CACNB2: variants seen among roughly 807,000 people sequenced by gnomAD.
The protein encoded by CACNB2 is calcium voltage-gated channel auxiliary subunit beta 2.
Under a neutral mutation model 73.3 loss-of-function variants are expected in CACNB2, and 42 were observed. The observed-to-expected ratio is 0.57, with a 90% CI of 0.45 to 0.74. The LOEUF (loss-of-function observed/expected upper bound fraction) is 0.74, where lower values mean the gene tolerates loss of function less well. Ranked by LOEUF, CACNB2 falls within the 30% of genes least tolerant of loss-of-function variation. The pLI is 0.00. For missense variants in CACNB2, 940 were observed against 853.0 expected (o/e 1.10, Z -1.27); for synonymous variants, 348 against 310.3 (o/e 1.12, Z -1.28).
At chr10:18,177,409 G>A (rs2033656892) in intron 2 of CACNB2, among the ~76,000 whole-genome samples, 1 of 150,968 alleles carries the variant, frequency 6.6e-6, no homozygotes, top group African/African-American at 2.4e-5. Flanking sequence ...CACTTGAGGT[G>A]AGGGGTTTGA....
intron 4 of CACNB2, 81 bp from the exon 5 acceptor site, chr10:18,500,731 C>T (rs1198346310): frequency 7.2e-7 from 1 of 1,397,780 alleles, no homozygotes; most frequent in Non-Finnish European, 1.0e-6. Context: ...TGCCATATTT[C>T]TCTCGACTGA....
At chr10:18,238,682 C>T (rs566855112) in intron 2 of CACNB2, among the ~76,000 whole-genome samples, 13 of 152,246 alleles carry the variant, frequency 8.5e-5, no homozygotes, top group South Asian at 6.2e-4. Context: ...AAAATTTCTT[C>T]GTGATCACTC....
chr10:18,525,582 CCA>C (rs2052387193), intron 9 of CACNB2, among the ~76,000 whole-genome samples: 2 of 151,942 alleles, frequency 1.3e-5, no homozygotes, highest in Admixed American at 6.6e-5. Context: ...CTCTTTGTCC[CCA>C]GTGTTATGAA....
chr10:18,236,882 T>C (rs183205907), intron 2 of CACNB2, among the ~76,000 whole-genome samples: 1 of 152,296 alleles, frequency 6.6e-6, no homozygotes, highest in Admixed American at 6.5e-5. Flanking sequence ...TGTTTCAATC[T>C]GACATCCTGG....
At chr10:18,184,473 A>G (rs1472172046) in intron 2 of CACNB2, among the ~76,000 whole-genome samples, 1 of 152,144 alleles carries the variant, frequency 6.6e-6, no homozygotes, top group African/African-American at 2.4e-5. Flanking sequence ...TACCTTTGTT[A>G]TAATTAATGA....
chr10:18,284,248 C>G (rs1206165325), intron 2 of CACNB2, among the ~76,000 whole-genome samples: 1 of 151,996 alleles, frequency 6.6e-6, no homozygotes, highest in Non-Finnish European at 1.5e-5. Flanking sequence ...TCTTAAAAAC[C>G]ATCAGGGCTC....
At chr10:18,291,455 T>A (rs970919948) in intron 2 of CACNB2, among the ~76,000 whole-genome samples, 2 of 152,192 alleles carry the variant, frequency 1.3e-5, no homozygotes, top group African/African-American at 4.8e-5. Flanking sequence ...CCACTTCGGA[T>A]GTTGTGGCTA....
intron 2 of CACNB2, among the ~76,000 whole-genome samples, chr10:18,353,129 A>G (rs555813065): frequency 1.3e-5 from 2 of 152,294 alleles, no homozygotes; most frequent in Admixed American, 6.5e-5. Flanking sequence ...TTATGGTTCT[A>G]TGCCAGGTGC....
intron 2 of CACNB2, among the ~76,000 whole-genome samples, chr10:18,356,376 C>A (rs980208968): frequency 6.6e-6 from 1 of 152,192 alleles, no homozygotes; most frequent in African/African-American, 2.4e-5. Flanking sequence ...CTTTCTCCAG[C>A]AAGCCAACTT....
intron 5 of CACNB2, among the ~76,000 whole-genome samples, chr10:18,501,527 A>G (rs989045634): frequency 6.6e-6 from 1 of 152,224 alleles, no homozygotes; most frequent in African/African-American, 2.4e-5. Flanking sequence ...AATCCCTCCT[A>G]GGATTTGTGA....
Position 18,229,709 on chromosome 10 carries a change from T to A in CACNB2, c.213+78734T>A, listed in dbSNP as rs1588770667. Reference sequence around the variant, plus strand: ...CTCTTCTATGGTAAACAGTCCTAATTTTTAGCTATAGATTCATATATTTAT... The same window carrying A: ...CTCTTCTATGGTAAACAGTCCTAATATTTAGCTATAGATTCATATATTTAT... On this transcript the variant is annotated intron_variant, in intron 2 of 13. Transcript: ENST00000324631. Among the ~76,000 whole-genome samples the A allele has an allele frequency of 2.0e-5, 3 of 152,310 alleles. No individual in the cohort carries two copies. The South Asian group carries it at 6.2e-4, about 32-fold the overall frequency.
intron 3 of CACNB2, among the ~76,000 whole-genome samples, chr10:18,469,867 A>G (rs1467316966): frequency 2.6e-5 from 4 of 152,186 alleles, no homozygotes; most frequent in African/African-American, 9.7e-5. Context: ...AAACCTATTT[A>G]ACCACATTTA....
chr10:18,222,030 A>G lies in CACNB2; in HGVS notation c.213+71055A>G, dbSNP rs866433458. Among the ~76,000 whole-genome samples the G allele has an allele frequency of 7.2e-4, 110 of 152,360 alleles. No individual in the cohort carries two copies. In the Middle Eastern group the frequency reaches 0.014, roughly 19 times the overall value. ...TAGAGATTGGCTGGCAAACTTGCCA[A>G]AGAAAGGCAGTGATATCAGTAGTTG... is the stretch of plus-strand genomic sequence containing the variant. On this transcript the variant is annotated intron_variant, in intron 2 of 13. Coordinates refer to ENST00000324631, the MANE Select transcript of CACNB2 (RefSeq NM_201596.3).
intron 3 of CACNB2, among the ~76,000 whole-genome samples, chr10:18,492,395 C>T (rs925879073): frequency 2.0e-5 from 3 of 152,018 alleles, no homozygotes; most frequent in South Asian, 4.1e-4. Flanking sequence ...CCGAGGCAAG[C>T]GGATCACCTG....
intron 3 of CACNB2, among the ~76,000 whole-genome samples, chr10:18,464,187 G>A: frequency 6.6e-6 from 1 of 150,720 alleles, no homozygotes; most frequent in East Asian, 2.0e-4. Context: ...TGGGGAGGGA[G>A]TGGTAGGGAC....
At chr10:18,368,390 T>C (rs1355748270) in intron 2 of CACNB2, among the ~76,000 whole-genome samples, 2 of 152,204 alleles carry the variant, frequency 1.3e-5, no homozygotes, top group East Asian at 1.9e-4. Context: ...TGCAAAATTA[T>C]AAGCTTTCAG....
At chr10:18,391,429 A>G (rs2043463442) in intron 2 of CACNB2, among the ~76,000 whole-genome samples, 1 of 152,130 alleles carries the variant, frequency 6.6e-6, no homozygotes, top group African/African-American at 2.4e-5. Context: ...TGTAAGAGAG[A>G]AGAGGTTTTC....
chr10:18,397,871 TTA>T (rs2043796044), intron 2 of CACNB2, among the ~76,000 whole-genome samples: 2 of 152,186 alleles, frequency 1.3e-5, no homozygotes, highest in Non-Finnish European at 2.9e-5. Context: ...GGAGGAACTA[TTA>T]GTACACAGTA....
chr10:18,342,820 T>G (rs934408977), intron 2 of CACNB2, among the ~76,000 whole-genome samples: 2 of 152,098 alleles, frequency 1.3e-5, no homozygotes, highest in South Asian at 4.1e-4. Flanking sequence ...ATTTTTTAAA[T>G]TATACATATG....
Sources: gnomAD v4.1 joint callset for allele counts (sites outside exome capture counted in the v4.1 genomes callset) on GRCh38, gnomAD v4.1.1 for gene constraint, MANE v1.5 for transcripts, NCBI Gene and HGNC (gene_info 2026-07-23, HGNC 2026-07-21) for gene names.